The following MSI2 variants were observed in gnomAD, a reference collection of about 807,000 sequenced individuals.
MSI2 encodes the protein musashi RNA binding protein 2.
Under a neutral mutation model 45.6 loss-of-function variants are expected in MSI2, and 17 were observed. The observed-to-expected ratio is 0.37, with a 90% CI of 0.26 to 0.56. The LOEUF (loss-of-function observed/expected upper bound fraction) is 0.56. Ranked by LOEUF, MSI2 falls within the 20% of genes least tolerant of loss-of-function variation. The pLI is 0.77. For missense variants in MSI2, 293 were observed against 444.2 expected (o/e 0.66, Z 3.06); for synonymous variants, 156 against 158.2 (o/e 0.99, Z 0.11).
At chr17:57,373,429 A>G (rs1439525756) in intron 5 of MSI2, among the ~76,000 whole-genome samples, 2 of 152,150 alleles carry the variant, frequency 1.3e-5, no homozygotes, top group African/African-American at 2.4e-5. Flanking sequence ...ATATTGATCT[A>G]TTTTTTAAAA....
chr17:57,398,728 T>C (rs112488642), intron 5 of MSI2, among the ~76,000 whole-genome samples: 2,052 of 152,350 alleles, frequency 0.013, 45 homozygotes, highest in African/African-American at 0.046. Flanking sequence ...TATGGTAGGC[T>C]AATCATTATA....
At chr17:57,341,351 G>C (rs1057156487) in intron 5 of MSI2, among the ~76,000 whole-genome samples, 1 of 152,190 alleles carries the variant, frequency 6.6e-6, no homozygotes, top group Non-Finnish European at 1.5e-5. Flanking sequence ...TAAAAGAAAG[G>C]TAATCACGTA....
rs114217903 is a variant in MSI2 at position 57,555,895 on chromosome 17, A to G, written c.454+26171A>G. On this transcript the variant is annotated intron_variant, in intron 7 of 13. Transcript: ENST00000284073. ...CCCCACCTGGCATCCTCCTCTCCCT[A>G]CAGCCAGGACAGGCTGCCCAGCCTC... Among the ~76,000 whole-genome samples the G allele has an allele frequency of 5.3e-3, 806 of 152,228 alleles. 8 individuals carry two copies. Among genetic ancestry groups the G allele is most frequent in the African/African-American group, 0.019 (774 of 41,538 alleles).
At chr17:57,359,512 T>A (rs959838863) in intron 5 of MSI2, among the ~76,000 whole-genome samples, 2 of 152,144 alleles carry the variant, frequency 1.3e-5, no homozygotes, top group African/African-American at 4.8e-5. Flanking sequence ...CAGTACTGCC[T>A]CCCTGCCAAG....
chr17:57,319,070 C>T (rs1337706366), intron 5 of MSI2, among the ~76,000 whole-genome samples: 1 of 152,264 alleles, frequency 6.6e-6, no homozygotes, highest in Non-Finnish European at 1.5e-5. Flanking sequence ...CGTAGTCTTG[C>T]TCTCTTCTGA....
chr17:57,535,645 C>T (rs1475430042), intron 7 of MSI2, among the ~76,000 whole-genome samples: 1 of 152,202 alleles, frequency 6.6e-6, no homozygotes. Flanking sequence ...TTGTGAGCCC[C>T]AGCGAGCACC....
chr17:57,567,432 T>C (rs1230426460), intron 7 of MSI2, among the ~76,000 whole-genome samples: 1 of 152,256 alleles, frequency 6.6e-6, no homozygotes, highest in East Asian at 1.9e-4. Context: ...TGTGTGGATG[T>C]TCTGGCATAG....
At chr17:57,328,727 A>G (rs1486444890) in intron 5 of MSI2, among the ~76,000 whole-genome samples, 1 of 151,782 alleles carries the variant, frequency 6.6e-6, no homozygotes, top group African/African-American at 2.4e-5. Flanking sequence ...AACATCTTTG[A>G]AGAGTCTTTT....
intron 6 of MSI2, among the ~76,000 whole-genome samples, chr17:57,498,841 G>A (rs374699727): frequency 2.9e-4 from 44 of 151,466 alleles, no homozygotes; most frequent in African/African-American, 9.9e-4. Context: ...ATATGTATAC[G>A]TGCACCATGT....
At chr17:57,409,338 A>G (rs1340879942) in intron 6 of MSI2, among the ~76,000 whole-genome samples, 2 of 152,194 alleles carry the variant, frequency 1.3e-5, no homozygotes, top group Non-Finnish European at 2.9e-5. Flanking sequence ...AGTCATCCAA[A>G]TGCTGAATTA....
chr17:57,574,987 C>T (rs1424179964), intron 7 of MSI2, among the ~76,000 whole-genome samples: 4 of 152,084 alleles, frequency 2.6e-5, no homozygotes, highest in South Asian at 2.1e-4. Flanking sequence ...CCCACCACCA[C>T]GCCCGGCTAA....
intron 5 of MSI2, among the ~76,000 whole-genome samples, chr17:57,312,163 T>A (rs1395703058): frequency 2.0e-5 from 3 of 152,196 alleles, no homozygotes; most frequent in Non-Finnish European, 4.4e-5. Context: ...CAGAGAGTTA[T>A]GGAGAGTGCA....
In MSI2 at chr17:57,417,083, G is replaced by C. The variant is rs71387501; in HGVS notation, c.405+15612G>C. On this transcript the variant is annotated intron_variant, in intron 6 of 13. Transcript: ENST00000284073. ...GGTGGGGACGGTGGTTGCTGCTGTG[G>C]AGCTCCTCTCCCAGGCCTCCCATCC... is the stretch of plus-strand genomic sequence containing the variant. Among the ~76,000 whole-genome samples, 1,178 of 152,204 alleles carry C rather than the reference G, an allele frequency of 7.7e-3. 13 individuals are homozygous for C. Among genetic ancestry groups the C allele is most frequent in the African/African-American group, 0.027 (1,104 of 41,526 alleles).
At chr17:57,327,867 T>G (rs759660957) in intron 5 of MSI2, among the ~76,000 whole-genome samples, 5 of 152,160 alleles carry the variant, frequency 3.3e-5, no homozygotes, top group Non-Finnish European at 5.9e-5. Context: ...CTTGTGTGTG[T>G]GGGAGCCCAT....
chr17:57,588,688 C>T (rs754268436), intron 7 of MSI2, among the ~76,000 whole-genome samples: 4 of 152,154 alleles, frequency 2.6e-5, no homozygotes, highest in Non-Finnish European at 5.9e-5. Flanking sequence ...ATATCTTTCC[C>T]CACTCTCTCC....
chr17:57,432,144 T>C (rs924570883), intron 6 of MSI2, among the ~76,000 whole-genome samples: 1 of 152,198 alleles, frequency 6.6e-6, no homozygotes, highest in African/African-American at 2.4e-5. Flanking sequence ...AATTGAATTA[T>C]TGAATTACCA....
intron 6 of MSI2, among the ~76,000 whole-genome samples, chr17:57,413,137 T>C (rs1430025417): frequency 6.6e-6 from 1 of 152,104 alleles, no homozygotes; most frequent in Non-Finnish European, 1.5e-5. Flanking sequence ...GTAGGCTTGC[T>C]AGTGCAACAG....
At chr17:57,498,025 T>C (rs1318753925) in intron 6 of MSI2, among the ~76,000 whole-genome samples, 1 of 152,190 alleles carries the variant, frequency 6.6e-6, no homozygotes. Flanking sequence ...ACATCTCCCA[T>C]TTAATAAATG....
At chr17:57,599,425 T>A (rs547372443) in intron 8 of MSI2, among the ~76,000 whole-genome samples, 2 of 152,116 alleles carry the variant, frequency 1.3e-5, no homozygotes, top group Non-Finnish European at 2.9e-5. Context: ...CGGGCAGCAA[T>A]CAGGAAGTAG....
Sources: gnomAD v4.1 joint callset for allele counts (sites outside exome capture counted in the v4.1 genomes callset) on GRCh38, gnomAD v4.1.1 for gene constraint, MANE v1.5 for transcripts, NCBI Gene and HGNC (gene_info 2026-07-23, HGNC 2026-07-21) for gene names.